NEGR1: variants seen among roughly 807,000 people sequenced by gnomAD.
NEGR1 encodes the protein neuronal growth regulator 1, also known as IgLON family member 4.
A neutral mutation model predicts 40.9 loss-of-function variants in NEGR1; 10 were observed. The ratio of observed to expected loss-of-function variants is 0.24; its 90% CI spans 0.15 to 0.42. The LOEUF (loss-of-function observed/expected upper bound fraction) is 0.42, where lower values mean the gene tolerates loss of function less well. Ranked by LOEUF, NEGR1 falls within the 10% of genes least tolerant of loss-of-function variation. The probability of loss-of-function intolerance (pLI) is 1.00; values close to 1 mark genes in which losing one functional copy is unlikely to be tolerated. For missense variants in NEGR1, 352 were observed against 438.9 expected, an observed-to-expected ratio of 0.80 and a Z score of 1.77; for synonymous variants, 185 against 166.8, an observed-to-expected ratio of 1.11 and a Z score of -0.84.
At chr1:71,570,780 T>C (rs570103499) in intron 6 of NEGR1, among the ~76,000 whole-genome samples, 2 of 152,230 alleles carry the variant, frequency 1.3e-5, no homozygotes, top group East Asian at 1.9e-4. Context: ...TCATAGTTTA[T>C]AGGAGAAAAT....
Position 71,399,008 on chromosome 1 carries a change from T to G in NEGR1, c.*8438A>C, listed in dbSNP as rs1296419942. 1 of 152,574 alleles carries G rather than the reference T, an allele frequency of 6.6e-6. No homozygotes were observed. Among genetic ancestry groups the G allele is most frequent in the Non-Finnish European group, 1.5e-5 (1 of 68,392 alleles). The allele number at this position is 152,574 out of a possible 1,614,324, so 9.5% of individuals were successfully genotyped here. ...AGGCTTCCCCAGCCACATGGAACTG[T>G]AGGTCCAAAAAAACCTCTTTCTTTT... On this transcript the variant is annotated 3_prime_UTR_variant, in exon 7 of 7. Transcript: ENST00000357731.
chr1:71,599,858 A>G (rs1429155379), intron 5 of NEGR1, among the ~76,000 whole-genome samples: 2 of 152,180 alleles, frequency 1.3e-5, no homozygotes, highest in African/African-American at 4.8e-5. Flanking sequence ...TTAAATAAAC[A>G]ATGGCTACAG....
intron 2 of NEGR1, among the ~76,000 whole-genome samples, chr1:71,782,287 G>A (rs988841969): frequency 2.0e-5 from 3 of 152,078 alleles, no homozygotes; most frequent in South Asian, 2.1e-4. Flanking sequence ...CCAGTGCCTC[G>A]ATCTTGGACT....
chr1:71,429,350 AG>A (rs748904877), intron 6 of NEGR1, among the ~76,000 whole-genome samples: 42 of 152,374 alleles, frequency 2.8e-4, no homozygotes, highest in Admixed American at 3.9e-4. Context: ...AAACAAAAAA[AG>A]TCCGAAAGGT....
chr1:72,047,589 A>G (rs1647014000), intron 1 of NEGR1, among the ~76,000 whole-genome samples: 1 of 151,464 alleles, frequency 6.6e-6, no homozygotes, highest in Non-Finnish European at 1.5e-5. Context: ...TTATAATAAT[A>G]TATGATTCAA....
chr1:71,600,203 G>A (rs1224730397), intron 5 of NEGR1, among the ~76,000 whole-genome samples: 3 of 152,106 alleles, frequency 2.0e-5, no homozygotes, highest in Non-Finnish European at 4.4e-5. Flanking sequence ...AATAAGAATG[G>A]CTCTACTTTA....
At chr1:71,927,979 CAG>C (rs1645793075) in intron 2 of NEGR1, among the ~76,000 whole-genome samples, 1 of 146,250 alleles carries the variant, frequency 6.8e-6, no homozygotes, top group Non-Finnish European at 1.5e-5. Flanking sequence ...AGCCTGGACA[CAG>C]AGTGAGATGC....
chr1:72,135,386 AAAACAAAAAAC>A (rs1650417652), intron 1 of NEGR1, among the ~76,000 whole-genome samples: 2 of 137,182 alleles, frequency 1.5e-5, no homozygotes, highest in African/African-American at 5.4e-5. Flanking sequence ...AAAAAAAAAA[AAAACAAAAAAC>A]AAAAAACAAA....
chr1:71,901,576 G>T (rs2101863739), intron 2 of NEGR1, among the ~76,000 whole-genome samples: 1 of 151,870 alleles, frequency 6.6e-6, no homozygotes, highest in Non-Finnish European at 1.5e-5. Context: ...ATGGGCCCCT[G>T]GGGTTAGAGT....
intron 3 of NEGR1, among the ~76,000 whole-genome samples, chr1:71,730,569 T>TTATGTA (rs1553161611): frequency 7.4e-6 from 1 of 134,726 alleles, no homozygotes. Context: ...TAGTATAAAT[T>TTATGTA]TATATATATA....
At chr1:71,660,705 A>C (rs2422014) in intron 4 of NEGR1, among the ~76,000 whole-genome samples, 80,321 of 151,886 alleles carry the variant, frequency 0.53, 21,441 homozygotes, top group African/African-American at 0.62. Context: ...TTTTCTTCTT[A>C]TTATTATTAT....
chr1:72,172,529 G>T (rs931379377), intron 1 of NEGR1, among the ~76,000 whole-genome samples: 1 of 152,032 alleles, frequency 6.6e-6, no homozygotes, highest in Non-Finnish European at 1.5e-5. Flanking sequence ...TTCACAATAG[G>T]TTTAAAAATC....
At chr1:72,073,888 C>A (rs1318195757) in intron 1 of NEGR1, among the ~76,000 whole-genome samples, 1 of 151,430 alleles carries the variant, frequency 6.6e-6, no homozygotes, top group Non-Finnish European at 1.5e-5. Flanking sequence ...GATACTGAGC[C>A]AAAAGAAAGA....
intron 3 of NEGR1, among the ~76,000 whole-genome samples, chr1:71,747,217 T>TA (rs917561417): frequency 8.7e-5 from 13 of 149,768 alleles, no homozygotes; most frequent in African/African-American, 1.5e-4. Context: ...ATCTCATTAA[T>TA]AAAAAAAAAG....
chr1:71,828,962 A>T (rs1261530139), intron 2 of NEGR1, among the ~76,000 whole-genome samples: 1 of 151,934 alleles, frequency 6.6e-6, no homozygotes, highest in East Asian at 1.9e-4. Context: ...TTTCCCAGGG[A>T]AAAAAGAGGA....
intron 2 of NEGR1, among the ~76,000 whole-genome samples, chr1:71,864,695 A>G (rs371096617): frequency 2.6e-5 from 4 of 152,292 alleles, no homozygotes; most frequent in Admixed American, 6.5e-5. Context: ...GCCAAAATAG[A>G]ACAGGAACCA....
Position 71,695,331 on chromosome 1 carries a change from C to A in NEGR1, c.667+2677G>T, listed in dbSNP as rs560428376. ...GTATGACTCAGGGAGAAGCAAATGG[C>A]AAAACTGATTGTTTAAATCATTTGA... On this transcript the variant is annotated intron_variant, in intron 4 of 6. Coordinates refer to ENST00000357731, the MANE Select transcript of NEGR1 (RefSeq NM_173808.3). Among the ~76,000 whole-genome samples the A allele has an allele frequency of 2.0e-5, 3 of 151,712 alleles. No individual in the cohort carries two copies. The East Asian group carries it at 5.8e-4, about 29-fold the overall frequency.
intron 6 of NEGR1, among the ~76,000 whole-genome samples, chr1:71,449,871 A>T (rs1646612610): frequency 6.6e-6 from 1 of 152,110 alleles, no homozygotes; most frequent in African/African-American, 2.4e-5. Context: ...CTGGATTTTT[A>T]TAATTTTTCT....
intron 6 of NEGR1, among the ~76,000 whole-genome samples, chr1:71,475,642 G>A (rs1214200455): frequency 2.0e-5 from 3 of 151,966 alleles, no homozygotes; most frequent in African/African-American, 2.4e-5. Flanking sequence ...AAAAGATTTA[G>A]AAGTAGGATG....
Sources: allele counts gnomAD v4.1 joint callset (sites outside exome capture counted in the v4.1 genomes callset), GRCh38; gene constraint gnomAD v4.1.1; transcripts MANE v1.5; gene names NCBI Gene and HGNC (gene_info 2026-07-23, HGNC 2026-07-21).